The following RAPH1 variants were observed in gnomAD, a reference collection of about 807,000 sequenced individuals.
RAPH1 encodes the protein Ras association (RalGDS/AF-6) and pleckstrin homology domains 1, also known as ras-associated and pleckstrin homology domains-containing protein 1.
In RAPH1, 18 loss-of-function variants were observed where a neutral mutation model predicts 88.1. The ratio of observed to expected loss-of-function variants is 0.20; its 90% confidence interval spans 0.14 to 0.30. RAPH1 has a LOEUF of 0.30. Ranked by LOEUF, RAPH1 falls within the 10% of genes least tolerant of loss-of-function variation. The pLI, the probability that RAPH1 is intolerant of heterozygous loss-of-function variation, is 1.00. For synonymous variants in RAPH1, 587 were observed against 559.0 expected (o/e 1.05, Z -0.71); for missense variants, 1,448 against 1,543.2 (o/e 0.94, Z 1.03).
At position 203,436,269 on chromosome 2, in the gene RAPH1, T is replaced by C. The variant is rs2098498428; in HGVS notation, c.*3168A>G. 6.6e-6 allele frequency: 1 copy of C among 152,226 alleles called. No homozygotes were observed. Among genetic ancestry groups the C allele is most frequent in the African/African-American group, 2.4e-5 (1 of 41,456 alleles). The allele number at this position is 152,226 out of a possible 1,614,324, so 9.4% of individuals were successfully genotyped here. ...TTGAAATTTTCTGATGAAAAGTCTT[T>C]TGTAACTTAACATTCCACATTTTCA... On this transcript the variant is annotated 3_prime_UTR_variant, in exon 14 of 14. Coordinates refer to ENST00000319170, the MANE Select transcript of RAPH1 (RefSeq NM_213589.3).
intron 10 of RAPH1, among the ~76,000 whole-genome samples, chr2:203,449,952 G>A (rs1399770450): frequency 6.6e-6 from 1 of 151,678 alleles, no homozygotes; most frequent in Non-Finnish European, 1.5e-5. Context: ...AAACCCAGGA[G>A]GCAGAGGTTG....
intron 4 of RAPH1, among the ~76,000 whole-genome samples, chr2:203,464,864 A>C (rs2098527225): frequency 6.6e-6 from 1 of 152,216 alleles, no homozygotes; most frequent in Admixed American, 6.5e-5. Flanking sequence ...CTCACTAAAG[A>C]AGACAGCTAG....
intron 9 of RAPH1, 68 bp downstream of exon 9, chr2:203,455,369 C>T (rs1581269527): frequency 6.9e-7 from 1 of 1,443,718 alleles, no homozygotes; most frequent in East Asian, 2.3e-5. Flanking sequence ...ACCTTGTCAG[C>T]ATACTCAATA....
Position 203,489,786 on chromosome 2 carries a change from T to G in RAPH1, c.530A>C (p.Glu177Ala). 1 of 1,614,236 alleles carries G rather than the reference T, an allele frequency of 6.2e-7. No homozygotes were observed. The highest frequency in any genetic ancestry group is 8.5e-7 in the Non-Finnish European group (1 of 1,180,030). ...MDEAAQQSVL[E>A]DTKPLVTNQH... ...ATTAGTTACTAAGGGTTTAGTATCT[T>G]CTAGTACAGATTGCTGAGCAGCCTC... is the stretch of plus-strand genomic sequence containing the variant. The change falls in exon 4 of 14, where the codon GAA (glutamate) becomes GCA (alanine). Residue 177 changes from glutamate to alanine, a missense_variant. This residue lies in a region of RAPH1 where 513 missense variants were observed against 653.1 expected (regional missense o/e 0.79). Coordinates refer to ENST00000319170, the MANE Select transcript of RAPH1 (RefSeq NM_213589.3).
In RAPH1 at chr2:203,439,644, G is replaced by C. The variant is rs767200563; in HGVS notation, c.3546C>G (p.Gly1182=). 7.4e-6 allele frequency: 12 copies of C among 1,614,150 alleles called. No homozygotes were observed. The highest frequency in any genetic ancestry group is 1.7e-5 in the Admixed American group (1 of 60,008). ...TLQRKSITRH[G]SLSSRMSRAE... ...CTCTGGACATGCGGGAGGAGAGTGA[G>C]CCGTGCCGAGTGATGGACTTTCGTT... is the stretch of plus-strand genomic sequence containing the variant. Residue 1182 remains glycine, a synonymous_variant, in exon 14 of 14, where the codon GGC becomes GGG. Coordinates refer to ENST00000319170, the MANE Select transcript of RAPH1 (RefSeq NM_213589.3).
At chr2:203,481,551 T>C (rs2105787033) in intron 4 of RAPH1, among the ~76,000 whole-genome samples, 1 of 145,220 alleles carries the variant, frequency 6.9e-6, no homozygotes, top group African/African-American at 2.6e-5. Flanking sequence ...ATAGCCCCTA[T>C]TCATTTTAAA....
intron 4 of RAPH1, among the ~76,000 whole-genome samples, chr2:203,484,159 G>A (rs961221815): frequency 1.3e-5 from 2 of 152,162 alleles, no homozygotes. Flanking sequence ...TATGCACCTG[G>A]AGTTCAGGAG....
At chr2:203,530,030 T>C (rs1039797469) in intron 1 of RAPH1, among the ~76,000 whole-genome samples, 2 of 152,266 alleles carry the variant, frequency 1.3e-5, no homozygotes, top group Non-Finnish European at 2.9e-5. Flanking sequence ...TTCTCTATTA[T>C]GCCTAGCTCT....
At position 203,440,814 on chromosome 2, in the gene RAPH1, C is replaced by CTT; in HGVS notation, c.2374_2375dup (p.Thr793ArgfsTer7). On this transcript the variant is annotated frameshift_variant, in exon 14 of 14. Coordinates refer to ENST00000319170, the MANE Select transcript of RAPH1 (RefSeq NM_213589.3). LOFTEE classifies it low-confidence loss of function (END_TRUNC). ...CTTGAGTCACAACAGGTGCCACAGT[C>CTT]TTGGTGCTGGTTGGTGCGGGGATGG... 7.4e-7 allele frequency: 1 copy of CTT among 1,352,316 alleles called. No homozygotes were observed. Among genetic ancestry groups the CTT allele is most frequent in the Non-Finnish European group, 9.8e-7 (1 of 1,021,810 alleles). 83.8% of individuals were successfully genotyped at this position (1,352,316 alleles called of 1,614,324 possible).
intron 8 of RAPH1, among the ~76,000 whole-genome samples, chr2:203,456,955 C>A (rs1490304848): frequency 6.6e-6 from 1 of 152,054 alleles, no homozygotes; most frequent in Non-Finnish European, 1.5e-5. Context: ...CATTGACCAG[C>A]CACCTCTCCC....
At chr2:203,453,867 A>G (rs1042224332) in intron 10 of RAPH1, among the ~76,000 whole-genome samples, 4 of 152,166 alleles carry the variant, frequency 2.6e-5, no homozygotes, top group African/African-American at 4.8e-5. Flanking sequence ...TCTTCTCAGA[A>G]GTACAGATAT....
chr2:203,502,071 T>C (rs1296271390), intron 1 of RAPH1, among the ~76,000 whole-genome samples: 2 of 152,140 alleles, frequency 1.3e-5, no homozygotes, highest in African/African-American at 4.8e-5. Flanking sequence ...CTCCTATGTG[T>C]TGAAAGGGAC....
intron 1 of RAPH1, among the ~76,000 whole-genome samples, chr2:203,534,071 T>C (rs1318423800): frequency 6.6e-6 from 1 of 152,164 alleles, no homozygotes; most frequent in Non-Finnish European, 1.5e-5. Context: ...TTGCTGAATT[T>C]AATATCCCCA....
chr2:203,437,377 G>C lies in RAPH1; in HGVS notation c.*2060C>G, dbSNP rs1361925468. On this transcript the variant is annotated 3_prime_UTR_variant, in exon 14 of 14. Coordinates refer to ENST00000319170, the MANE Select transcript of RAPH1 (RefSeq NM_213589.3). The stretch of plus-strand genomic sequence containing the variant: ...TTACTAACTCTAACCCACAAATATG[G>C]GTGCCCCTCAAACTATAAAACTGCA... 2 of 152,008 alleles carry C rather than the reference G, an allele frequency of 1.3e-5. No individual in the cohort carries two copies. The highest frequency in any genetic ancestry group is 2.9e-5 in the Non-Finnish European group (2 of 67,996). 9.4% of individuals were successfully genotyped at this position (152,008 alleles called of 1,614,324 possible).
intron 8 of RAPH1, among the ~76,000 whole-genome samples, chr2:203,457,034 T>A (rs2098520142): frequency 6.6e-6 from 1 of 151,902 alleles, no homozygotes; most frequent in Admixed American, 6.6e-5. Flanking sequence ...TAATAAAGGG[T>A]CTTCAGTGGC....
In RAPH1 at chr2:203,436,378, C is replaced by T. The variant is rs1437223596; in HGVS notation, c.*3059G>A. ...AAACCTTAAGAATAGTTACTCTTCCCAAGAGAATTACAGCGTCTAAGGGGG... is the reference window on the plus strand; with the variant it reads ...AAACCTTAAGAATAGTTACTCTTCCTAAGAGAATTACAGCGTCTAAGGGGG... On this transcript the variant is annotated 3_prime_UTR_variant, in exon 14 of 14. Coordinates refer to ENST00000319170, the MANE Select transcript of RAPH1 (RefSeq NM_213589.3). The T allele has an allele frequency of 6.6e-6, 1 of 151,970 alleles. No individual in the cohort carries two copies. The highest frequency in any genetic ancestry group is 1.5e-5 in the Non-Finnish European group (1 of 68,018). 9.4% of individuals were successfully genotyped at this position (151,970 alleles called of 1,614,324 possible).
At chr2:203,447,181 C>CTT (rs1161851720) in intron 12 of RAPH1, 3,007 of 127,948 alleles carry the variant, frequency 0.024, 45 homozygotes, top group South Asian at 0.051. Context: ...TCTTTTCTTT[C>CTT]TTTTTTTTTT....
At chr2:203,504,339 T>C (rs887566217) in intron 1 of RAPH1, among the ~76,000 whole-genome samples, 4 of 152,242 alleles carry the variant, frequency 2.6e-5, no homozygotes, top group African/African-American at 9.6e-5. Context: ...TTGACTTCTG[T>C]GCACCCGCAG....
chr2:203,495,659 A>G (rs1688479683), intron 1 of RAPH1, among the ~76,000 whole-genome samples: 1 of 152,148 alleles, frequency 6.6e-6, no homozygotes, highest in Non-Finnish European at 1.5e-5. Context: ...AGAGGACATA[A>G]CAGTAGTACA....
Sources: allele counts gnomAD v4.1 joint callset (sites outside exome capture counted in the v4.1 genomes callset), GRCh38; gene constraint gnomAD v4.1.1; regional missense constraint gnomAD v4.1.1; transcripts MANE v1.5; gene names NCBI Gene and HGNC (gene_info 2026-07-23, HGNC 2026-07-21).